The following DNAH14 variants were observed in gnomAD, a reference collection of about 807,000 sequenced individuals.
DNAH14 encodes the protein axonemal beta dynein heavy chain 14.
In DNAH14, 478 loss-of-function variants were observed where a neutral mutation model predicts 520.9. The ratio of observed to expected loss-of-function variants is 0.92; its 90% CI spans 0.85 to 0.99. The LOEUF is 0.99. Among genes scored for constraint, DNAH14 ranks in the 50% least tolerant of loss-of-function variants. The pLI, the probability that DNAH14 is intolerant of heterozygous loss-of-function variation, is 0.00. For missense variants in DNAH14, 4,831 were observed against 5,234.5 expected (o/e 0.92, Z 2.38); for synonymous variants, 1,581 against 1,757.2 (o/e 0.90, Z 2.51).
intron 78 of DNAH14, among the ~76,000 whole-genome samples, chr1:225,376,404 G>A (rs2095701965): frequency 6.6e-6 from 1 of 152,100 alleles, no homozygotes; most frequent in African/African-American, 2.4e-5. Context: ...TCCAGCCTGG[G>A]CGACAGAGCA....
At chr1:225,333,695 T>C (rs1191346241) in intron 66 of DNAH14, among the ~76,000 whole-genome samples, 189 bp downstream of exon 66, 9 of 152,196 alleles carry the variant, frequency 5.9e-5, no homozygotes, top group Non-Finnish European at 1.3e-4. Flanking sequence ...GTTATATCTC[T>C]CCTGTTTCTC....
intron 11 of DNAH14, among the ~76,000 whole-genome samples, chr1:225,026,091 C>G (rs2066096177): frequency 6.6e-6 from 1 of 151,922 alleles, no homozygotes; most frequent in African/African-American, 2.4e-5. Context: ...CAGCCTCCCA[C>G]ATAGCTGGGA....
intron 7 of DNAH14, among the ~76,000 whole-genome samples, chr1:224,971,482 T>C (rs950732080): frequency 3.3e-5 from 5 of 152,206 alleles, no homozygotes; most frequent in Admixed American, 6.5e-5. Context: ...TGAAAAAATA[T>C]ACAGGTTTCT....
At chr1:225,367,697 T>C in intron 76 of DNAH14, 108 bp from the exon 77 acceptor site, 1 of 755,960 alleles carries the variant, frequency 1.3e-6, no homozygotes. Context: ...TTGAAAATAG[T>C]TACATTCTTG....
At position 225,351,874 on chromosome 1, in the gene DNAH14, C is replaced by A; in HGVS notation, c.11524C>A (p.Pro3842Thr). Reference protein sequence around the residue: ...NASLEENTKPPEETELLNENK... With the variant: ...NASLEENTKPTEETELLNENK... ...TTCATTGGAGGAAAATACAAAACCA[C>A]CAGAGGAAAGTAAGAAAGCATTCAG... Residue 3842 changes from proline to threonine, a missense_variant, in exon 72 of 86, where the codon CCA becomes ACA. Transcript: ENST00000682510. 6.5e-7 allele frequency: 1 copy of A among 1,550,226 alleles called. No individual in the cohort carries two copies. Among genetic ancestry groups the A allele is most frequent in the Non-Finnish European group, 8.7e-7 (1 of 1,146,046 alleles).
chr1:225,284,122 C>T (rs907345617), intron 54 of DNAH14, among the ~76,000 whole-genome samples: 2 of 151,830 alleles, frequency 1.3e-5, no homozygotes, highest in South Asian at 2.1e-4. Context: ...AAACCAAACC[C>T]AAAGCATGCA....
rs1469539068 is a variant in DNAH14, at chr1:225,144,506, A to G, written c.4618A>G (p.Ile1540Val). The change falls in exon 29 of 86, where the codon ATT becomes GTT. Residue 1540 changes from isoleucine (I) to valine (V), a missense_variant. Transcript: ENST00000682510. ...EYLGCTSRLV[I>V]TPLTDRCWLT... ...CTTGGGCTGTACCTCAAGATTGGTT[A>G]TTACGCCTCTCACAGACCGATGCTG... 6.4e-7 allele frequency: 1 copy of G among 1,551,546 alleles called. No individual in the cohort carries two copies. Among genetic ancestry groups the G allele is most frequent in the Admixed American group, 2.0e-5 (1 of 50,974 alleles).
Position 225,333,310 on chromosome 1 carries a change from T to C in DNAH14, c.9884T>C (p.Ile3295Thr), listed in dbSNP as rs1243669919. The C allele has an allele frequency of 6.5e-7, 1 of 1,548,578 alleles. No homozygotes were observed. The highest frequency in any genetic ancestry group is 8.7e-7 in the Non-Finnish European group (1 of 1,144,288). Residue 3295 changes from isoleucine to threonine, a missense_variant, in exon 66 of 86, where the codon ATC (isoleucine) becomes ACC (threonine). Transcript: ENST00000682510. Reference protein sequence around the residue: ...EDEKTRWQETINQIDNKLEGI... With the variant: ...EDEKTRWQETTNQIDNKLEGI... The stretch of plus-strand genomic sequence containing the variant: ...ATTTAGACTCGATGGCAAGAAACAA[T>C]CAATCAAATAGATAACAAATTAGAA...
At chr1:225,063,782 T>C (rs1293263728) in intron 17 of DNAH14, among the ~76,000 whole-genome samples, 1 of 151,748 alleles carries the variant, frequency 6.6e-6, no homozygotes, top group Non-Finnish European at 1.5e-5. Context: ...CCAATAGATC[T>C]GAGGAGCGCT....
At chr1:225,362,284 G>A (rs764039628) in intron 75 of DNAH14, among the ~76,000 whole-genome samples, 1 of 151,956 alleles carries the variant, frequency 6.6e-6, no homozygotes, top group East Asian at 1.9e-4. Flanking sequence ...AAAGAAATTC[G>A]TACTTCCGGG....
chr1:225,162,341 G>A (rs184993766), intron 35 of DNAH14, among the ~76,000 whole-genome samples: 1 of 152,166 alleles, frequency 6.6e-6, no homozygotes, highest in East Asian at 1.9e-4. Context: ...TGTTCCGTTC[G>A]TCTGTATGGA....
intron 8 of DNAH14, among the ~76,000 whole-genome samples, chr1:224,985,007 A>G (rs1425777556): frequency 6.6e-6 from 1 of 152,168 alleles, no homozygotes; most frequent in Admixed American, 6.6e-5. Flanking sequence ...ACACTTCGAC[A>G]CTGCTGGTGG....
At chr1:225,027,865 T>C (rs1268731557) in intron 11 of DNAH14, among the ~76,000 whole-genome samples, 1 of 40,800 alleles carries the variant, frequency 2.5e-5, no homozygotes, top group Admixed American at 2.0e-4. Context: ...TTTTGTCAAA[T>C]GCTTTTTTTT....
chr1:225,023,374 T>C (rs1318258086), intron 10 of DNAH14, among the ~76,000 whole-genome samples: 1 of 151,808 alleles, frequency 6.6e-6, no homozygotes, highest in Admixed American at 6.6e-5. Context: ...CTTTTTTTTT[T>C]TTCCTCTGTC....
At chr1:225,137,696 G>A (rs909891269) in intron 27 of DNAH14, among the ~76,000 whole-genome samples, 2 of 152,138 alleles carry the variant, frequency 1.3e-5, no homozygotes, top group African/African-American at 4.8e-5. Context: ...CCATAGGGCT[G>A]CTGTGGAGGC....
Position 225,337,490 on chromosome 1 carries a change from C to T in DNAH14, c.10305C>T (p.Leu3435=). Residue 3435 remains leucine (L), a synonymous_variant, in exon 67 of 86, where the codon CTC becomes CTT. Transcript: ENST00000682510. ...CTATGAAGACAGGAGGGAGTGTCCT[C>T]CTGCAGGTAAGTGGGCAGTATGGCC... The part of the protein sequence containing the change: ...ENAMKTGGSV[L]LQNLLETLAP... The T allele has an allele frequency of 6.4e-7, 1 of 1,551,642 alleles. No individual in the cohort carries two copies. The highest frequency in any genetic ancestry group is 8.7e-7 in the Non-Finnish European group (1 of 1,146,816).
Position 225,051,640 on chromosome 1 carries a change from A to G in DNAH14, c.2269A>G (p.Ile757Val), listed in dbSNP as rs1179016240. Residue 757 changes from isoleucine to valine, a missense_variant, in exon 17 of 86, where the codon ATT (isoleucine) becomes GTT (valine). Physicochemically the swap from Ile to Val is conservative, Grantham distance 29. Transcript: ENST00000682510. ...TAGATTCAGAAACTATTTTAGACAT[A>G]TTGTGAATATGGCCATTGAGAAGCG... Reference protein sequence around the residue: ...LNRFRNYFRHIVNMAIEKRIG... With the variant: ...LNRFRNYFRHVVNMAIEKRIG... The G allele has an allele frequency of 6.4e-7, 1 of 1,551,062 alleles. No homozygotes were observed.
intron 81 of DNAH14, among the ~76,000 whole-genome samples, chr1:225,387,030 A>G (rs1400401342): frequency 6.6e-6 from 1 of 152,222 alleles, no homozygotes; most frequent in South Asian, 2.1e-4. Context: ...AATGTGGCAC[A>G]TATACATCAT....
chr1:225,012,666 T>G lies in DNAH14; in HGVS notation c.1107+5122T>G, dbSNP rs183851514. Among the ~76,000 whole-genome samples, 3 of 152,360 alleles carry G rather than the reference T, an allele frequency of 2.0e-5. No homozygotes were observed. In the East Asian group the frequency reaches 5.8e-4, roughly 29 times the overall value. ...TTGAGACTTTGTTCATTCCTTTTCA[T>G]TCTTTTTTCTCTAGGCTTGTCTTCA... is the stretch of plus-strand genomic sequence containing the variant. On this transcript the variant is annotated intron_variant, in intron 10 of 85. Transcript: ENST00000682510.
Sources: allele counts gnomAD v4.1 joint callset (sites outside exome capture counted in the v4.1 genomes callset), GRCh38; gene constraint gnomAD v4.1.1; transcripts MANE v1.5; gene names NCBI Gene and HGNC (gene_info 2026-07-23, HGNC 2026-07-21).